Variants in ITGA1 observed in about 807,000 individuals in gnomAD.
ITGA1 encodes integrin alpha-1.
In ITGA1, 85 loss-of-function variants were observed where a neutral mutation model predicts 145.9. The observed-to-expected ratio is 0.58, with a 90% CI of 0.49 to 0.70. The LOEUF is 0.70. ITGA1 is among the 30% of genes least tolerant of loss of function. The probability of loss-of-function intolerance (pLI) is 0.00; values close to 1 mark genes in which losing one functional copy is unlikely to be tolerated. For missense variants in ITGA1, 1,351 were observed against 1,418.7 expected (o/e 0.95, Z 0.77); for synonymous variants, 520 against 495.3 (o/e 1.05, Z -0.66).
chr5:52,872,399 A>C (rs1007427799), intron 6 of ITGA1, among the ~76,000 whole-genome samples: 2 of 152,036 alleles, frequency 1.3e-5, no homozygotes, highest in Admixed American at 1.3e-4. Flanking sequence ...GCACTAGAAT[A>C]ATCATTCCGA....
At chr5:52,815,452 A>G (rs984506820) in intron 1 of ITGA1, among the ~76,000 whole-genome samples, 2 of 152,194 alleles carry the variant, frequency 1.3e-5, no homozygotes, top group African/African-American at 4.8e-5. Flanking sequence ...TAGCAACCCT[A>G]CATCCTGATA....
intron 19 of ITGA1, among the ~76,000 whole-genome samples, chr5:52,925,820 A>C (rs1485454536): frequency 6.6e-6 from 1 of 152,210 alleles, no homozygotes; most frequent in Non-Finnish European, 1.5e-5. Flanking sequence ...ACAGACGTAC[A>C]GAGAGGTACC....
chr5:52,823,970 T>C (rs1748919542), intron 1 of ITGA1, among the ~76,000 whole-genome samples: 1 of 152,230 alleles, frequency 6.6e-6, no homozygotes, highest in Non-Finnish European at 1.5e-5. Flanking sequence ...GGTGATAGTA[T>C]GTCAGATATT....
At chr5:52,899,490 A>G (rs558358313) in intron 11 of ITGA1, among the ~76,000 whole-genome samples, 66 of 152,322 alleles carry the variant, frequency 4.3e-4, no homozygotes, top group Admixed American at 2.8e-3. Flanking sequence ...TGCATGAATG[A>G]AAGTCCAGTC....
intron 14 of ITGA1, among the ~76,000 whole-genome samples, chr5:52,911,498 A>AT (rs1750529797): frequency 7.7e-6 from 1 of 129,110 alleles, no homozygotes; most frequent in Admixed American, 9.1e-5. Flanking sequence ...TAGTATATAT[A>AT]GTAGATACAC....
At chr5:52,838,443 TGTTA>T (rs1027032040) in intron 1 of ITGA1, among the ~76,000 whole-genome samples, 3 of 152,148 alleles carry the variant, frequency 2.0e-5, no homozygotes, top group African/African-American at 7.2e-5. Context: ...TATTTCATTT[TGTTA>T]GTTAGCTTCA....
In ITGA1 at chr5:52,794,500, TACACACACACAC is replaced by T. The variant is rs56996823; in HGVS notation, c.61+6111_61+6122del. On this transcript the variant is annotated intron_variant, in intron 1 of 28. Coordinates refer to ENST00000282588, the MANE Select transcript of ITGA1 (RefSeq NM_181501.2). ...GTATAAGAATACATGCAAATAGAAA[TACACACACACAC>T]ACACACACACACACACACACACACT... 6.3e-4 allele frequency among the ~76,000 whole-genome samples: 89 copies of T among 141,910 alleles called. No individual in the cohort carries two copies. The East Asian group carries it at 0.013, about 21-fold the overall frequency. The allele number at this position is 141,910 out of a possible 152,430, so 93.1% of individuals were successfully genotyped here.
rs1750457640 is a variant in ITGA1 at position 52,909,054 on chromosome 5, G to GAGTTTGGT, written c.1599+16_1599+23dup. 6.3e-7 allele frequency: 1 copy of GAGTTTGGT among 1,597,330 alleles called. No homozygotes were observed. Among genetic ancestry groups the GAGTTTGGT allele is most frequent in the Admixed American group, 1.8e-5 (1 of 55,728 alleles). On this transcript the variant is annotated intron_variant, in intron 13 of 28. Transcript: ENST00000282588. ...TGCTCTCAATCAGGTAATGGTGTCT[G>GAGTTTGGT]AGTTTGGTAGAAATCCAGGAAAATC...
At chr5:52,817,016 T>C (rs143455776) in intron 1 of ITGA1, among the ~76,000 whole-genome samples, 2,936 of 152,356 alleles carry the variant, frequency 0.019, 34 homozygotes, top group Non-Finnish European at 0.03. Flanking sequence ...TGATAAACTT[T>C]GTCAGTTTAG....
At chr5:52,880,862 A>G (rs1232386325) in intron 6 of ITGA1, among the ~76,000 whole-genome samples, 1 of 152,214 alleles carries the variant, frequency 6.6e-6, no homozygotes, top group Non-Finnish European at 1.5e-5. Flanking sequence ...TTTTTAATGC[A>G]GATTAGTTTA....
In ITGA1 at chr5:52,955,938, C is replaced by CATATAT. The variant is rs3047827; in HGVS notation, c.*3503_*3508dup. ...AATTTTATCTATAAATGCGTATATACATATATATATATATATATATACACA... is the reference window on the plus strand; with the variant it reads ...AATTTTATCTATAAATGCGTATATACATATATATATATATATATATATATATACACA... On this transcript the variant is annotated 3_prime_UTR_variant, in exon 29 of 29. Transcript: ENST00000282588. 24 of 149,746 alleles carry CATATAT rather than the reference C, an allele frequency of 1.6e-4. No homozygotes were observed. The highest frequency in any genetic ancestry group is 5.4e-4 in the African/African-American group (22 of 40,798). The allele number at this position is 149,746 out of a possible 1,614,324, so 9.3% of individuals were successfully genotyped here. A position where few individuals can be genotyped will look rare whatever the true frequency, so the allele number is the denominator to read the frequency against.
At chr5:52,851,513 A>G (rs903461443) in intron 2 of ITGA1, among the ~76,000 whole-genome samples, 2 of 152,196 alleles carry the variant, frequency 1.3e-5, no homozygotes, top group Non-Finnish European at 2.9e-5. Flanking sequence ...TGTCCTTCCT[A>G]AGGTTATTCT....
chr5:52,818,555 T>C (rs78816167), intron 1 of ITGA1, among the ~76,000 whole-genome samples: 1 of 152,338 alleles, frequency 6.6e-6, no homozygotes, highest in East Asian at 1.9e-4. Context: ...GTTTTGTAAC[T>C]ATTTCCCGCA....
chr5:52,882,417 G>T (rs956426642), intron 7 of ITGA1, among the ~76,000 whole-genome samples: 3 of 151,622 alleles, frequency 2.0e-5, no homozygotes, highest in Non-Finnish European at 2.9e-5. Flanking sequence ...TTATATTCTA[G>T]AATGTCCATG....
chr5:52,950,844 T>C (rs1442032351), intron 28 of ITGA1, among the ~76,000 whole-genome samples: 1 of 152,146 alleles, frequency 6.6e-6, no homozygotes, highest in African/African-American at 2.4e-5. Context: ...ACCACCTGCT[T>C]TTGTGAAAGC....
chr5:52,870,180 C>A (rs1468388598), intron 6 of ITGA1, among the ~76,000 whole-genome samples: 2 of 152,214 alleles, frequency 1.3e-5, no homozygotes, highest in East Asian at 3.9e-4. Context: ...AATTTAAATC[C>A]ATTTGATTTG....
chr5:52,807,413 C>A (rs1580035907), intron 1 of ITGA1, among the ~76,000 whole-genome samples: 2 of 151,274 alleles, frequency 1.3e-5, no homozygotes, highest in African/African-American at 2.4e-5. Flanking sequence ...TTTTCTGATG[C>A]AAAAAAAATG....
intron 16 of ITGA1, among the ~76,000 whole-genome samples, chr5:52,919,720 C>T (rs1750703694): frequency 6.6e-6 from 1 of 152,062 alleles, no homozygotes; most frequent in Non-Finnish European, 1.5e-5. Context: ...AACTTTATTT[C>T]AGTCTTATTT....
intron 26 of ITGA1, among the ~76,000 whole-genome samples, chr5:52,944,735 G>C (rs1201407532): frequency 4.6e-5 from 7 of 152,066 alleles, no homozygotes; most frequent in Non-Finnish European, 1.0e-4. Context: ...CCATAACGAG[G>C]ATCTAAGTAA....
Sources: gnomAD v4.1 joint callset for allele counts (sites outside exome capture counted in the v4.1 genomes callset) on GRCh38, gnomAD v4.1.1 for gene constraint, MANE v1.5 for transcripts, NCBI Gene and HGNC (gene_info 2026-07-23, HGNC 2026-07-21) for gene names.